DAG1: variants seen among roughly 807,000 people sequenced by gnomAD.
DAG1 encodes dystroglycan 1 (dystrophin-associated glycoprotein 1).
A neutral mutation model predicts 46.1 loss-of-function variants in DAG1; 8 were observed. The ratio of observed to expected loss-of-function variants is 0.17; its 90% CI spans 0.10 to 0.31. DAG1 has a LOEUF of 0.31. Ranked by LOEUF, DAG1 falls within the 10% of genes least tolerant of loss-of-function variation. The pLI, the probability that DAG1 is intolerant of heterozygous loss-of-function variation, is 1.00. For synonymous variants in DAG1, 495 were observed against 481.8 expected, an observed-to-expected ratio of 1.03 and a Z score of -0.36; for missense variants, 1,003 against 1,189.9, an observed-to-expected ratio of 0.84 and a Z score of 2.31.
chr3:49,533,287 T>C lies in DAG1; in HGVS notation c.*88T>C. The C allele has an allele frequency of 6.4e-7, 1 of 1,567,654 alleles. No homozygotes were observed. Among genetic ancestry groups the C allele is most frequent in the Non-Finnish European group, 8.6e-7 (1 of 1,161,496 alleles). Reference sequence around the variant, plus strand: ...GTGGAGACCGGTGGCCTGCAGACCATTGCCCACCGGGAGCCGACACCTGAC... The same window carrying C: ...GTGGAGACCGGTGGCCTGCAGACCACTGCCCACCGGGAGCCGACACCTGAC... On this transcript the variant is annotated 3_prime_UTR_variant, in exon 3 of 3. Transcript: ENST00000308775.
intron 1 of DAG1, among the ~76,000 whole-genome samples, chr3:49,507,609 A>ATT: frequency 6.6e-6 from 1 of 151,756 alleles, no homozygotes; most frequent in South Asian, 2.1e-4. Context: ...AATTTCCTTA[A>ATT]TATTTTTCTT....
chr3:49,531,645 A>C lies in DAG1; in HGVS notation c.1134A>C (p.Gln378His). ...VTIRTRGAII[Q>H]TPTLGPIQPT... ...TCCGGACTCGAGGCGCCATTATTCA[A>C]ACCCCAACCCTAGGCCCCATCCAGC... is the stretch of plus-strand genomic sequence containing the variant. Residue 378 changes from glutamine (Q) to histidine (H), a missense_variant, in exon 3 of 3, where the codon CAA becomes CAC. Coordinates refer to ENST00000308775, the MANE Select transcript of DAG1 (RefSeq NM_004393.6). This position sits in a 1 kb window ranked among gnomAD's most constrained non-coding sequence, Gnocchi z 7.0. 6.2e-7 allele frequency: 1 copy of C among 1,612,856 alleles called. No homozygotes were observed. The highest frequency in any genetic ancestry group is 8.5e-7 in the Non-Finnish European group (1 of 1,178,986).
chr3:49,505,589 AT>A (rs1254765810), intron 1 of DAG1, among the ~76,000 whole-genome samples: 1 of 152,118 alleles, frequency 6.6e-6, no homozygotes, highest in Non-Finnish European at 1.5e-5. Flanking sequence ...GAGTTTTCTT[AT>A]GGATTCTTTG....
chr3:49,518,239 T>C (rs1012076516), intron 2 of DAG1, among the ~76,000 whole-genome samples: 1 of 152,206 alleles, frequency 6.6e-6, no homozygotes, highest in African/African-American at 2.4e-5. Flanking sequence ...CTGGTGAGAT[T>C]AGATGGCATA....
In DAG1 at chr3:49,510,456, G is replaced by A. The variant is rs2050731428; in HGVS notation, c.-79G>A. 1.0e-5 allele frequency: 15 copies of A among 1,439,604 alleles called. No homozygotes were observed. The highest frequency in any genetic ancestry group is 1.5e-5 in the Non-Finnish European group (15 of 1,031,256). The allele number at this position is 1,439,604 out of a possible 1,614,324, so 89.2% of individuals were successfully genotyped here. On this transcript the variant is annotated 5_prime_UTR_variant, in exon 2 of 3. In the 5' UTR this introduces an upstream ATG that the reference lacks. Coordinates refer to ENST00000308775, the MANE Select transcript of DAG1 (RefSeq NM_004393.6). ...CCGGGATGGAGCAGGTGTGCAGAGG[G>A]TGAGAACCCAGCTCTGGGACCAAGT...
intron 2 of DAG1, among the ~76,000 whole-genome samples, chr3:49,528,538 A>G (rs1447286813): frequency 6.6e-6 from 1 of 151,442 alleles, no homozygotes; most frequent in African/African-American, 2.4e-5. Context: ...ACCCGCCTCA[A>G]CCTCCCAAAG....
At chr3:49,476,436 C>T (rs1313840675) in intron 1 of DAG1, among the ~76,000 whole-genome samples, 2 of 151,852 alleles carry the variant, frequency 1.3e-5, no homozygotes, top group Admixed American at 1.3e-4. Context: ...CTAAAAAATA[C>T]AAAAATTAGC....
intron 1 of DAG1, among the ~76,000 whole-genome samples, chr3:49,478,827 T>G (rs2049777345): frequency 8.3e-6 from 1 of 119,914 alleles, no homozygotes; most frequent in Non-Finnish European, 1.7e-5. Flanking sequence ...TTTTTTTTTT[T>G]TTTGGATACA....
chr3:49,527,410 G>A (rs1412256394), intron 2 of DAG1, among the ~76,000 whole-genome samples: 1 of 151,910 alleles, frequency 6.6e-6, no homozygotes, highest in Non-Finnish European at 1.5e-5. Flanking sequence ...TGTAGTCCCA[G>A]CTACAGGAGA....
At chr3:49,507,293 T>G (rs904165509) in intron 1 of DAG1, among the ~76,000 whole-genome samples, 1 of 152,254 alleles carries the variant, frequency 6.6e-6, no homozygotes, top group Non-Finnish European at 1.5e-5. Flanking sequence ...TCAGGCGTGG[T>G]GGCTCACACC....
intron 1 of DAG1, chr3:49,510,126 AATAC>A (rs2050722353): frequency 2.5e-6 from 1 of 404,914 alleles, no homozygotes; most frequent in Admixed American, 4.1e-5. Context: ...AAATATTACT[AATAC>A]ATATCATTTC....
intron 1 of DAG1, among the ~76,000 whole-genome samples, chr3:49,506,854 A>G (rs548976101): frequency 2.6e-5 from 4 of 152,046 alleles, no homozygotes; most frequent in African/African-American, 7.2e-5. Flanking sequence ...GCAAATGCCT[A>G]TAGTCCTAGC....
chr3:49,494,995 C>G (rs1424371833), intron 1 of DAG1, among the ~76,000 whole-genome samples: 1 of 152,134 alleles, frequency 6.6e-6, no homozygotes. Flanking sequence ...TGGGCATCTG[C>G]TGAGTACCTG....
At chr3:49,530,211 T>G (rs1199619650) in intron 2 of DAG1, among the ~76,000 whole-genome samples, 1 of 152,194 alleles carries the variant, frequency 6.6e-6, no homozygotes, top group Non-Finnish European at 1.5e-5. Flanking sequence ...TACACAAATG[T>G]GCCCCACTAC....
upstream of DAG1, among the ~76,000 whole-genome samples, chr3:49,469,912 G>A (rs751326955): frequency 1.3e-5 from 2 of 152,220 alleles, no homozygotes; most frequent in Non-Finnish European, 2.9e-5. Context: ...CTGAAGTTGG[G>A]CGGGGAGCCC....
At chr3:49,497,809 T>TA (rs1440302085) in intron 1 of DAG1, among the ~76,000 whole-genome samples, 2 of 152,238 alleles carry the variant, frequency 1.3e-5, no homozygotes, top group Non-Finnish European at 2.9e-5. Flanking sequence ...CTACTCAGAT[T>TA]AAAAGCCATG....
At chr3:49,471,909 G>A (rs1353497580) in intron 1 of DAG1, among the ~76,000 whole-genome samples, 3 of 152,156 alleles carry the variant, frequency 2.0e-5, no homozygotes, top group African/African-American at 7.2e-5. Context: ...TCACATAGTA[G>A]CCTGAGGAGA....
intron 2 of DAG1, among the ~76,000 whole-genome samples, chr3:49,527,708 A>G (rs2051222783): frequency 6.6e-6 from 1 of 152,200 alleles, no homozygotes; most frequent in Admixed American, 6.5e-5. Context: ...GTCTAAAAAA[A>G]AAAAGTGCCC....
intron 1 of DAG1, among the ~76,000 whole-genome samples, chr3:49,472,342 A>C (rs1333683108): frequency 1.3e-5 from 2 of 152,146 alleles, no homozygotes; most frequent in Non-Finnish European, 2.9e-5. Flanking sequence ...TGCATGGGCC[A>C]GAAGACCAAG....
Sources: allele counts gnomAD v4.1 joint callset (sites outside exome capture counted in the v4.1 genomes callset), GRCh38; gene constraint gnomAD v4.1.1; non-coding constraint Gnocchi (gnomAD v3.1); transcripts MANE v1.5; gene names NCBI Gene and HGNC (gene_info 2026-07-23, HGNC 2026-07-21).